Variants in ZNG1E observed in about 807,000 individuals in gnomAD.
ZNG1E encodes Zn regulated GTPase metalloprotein activator 1E.
chr9:65,660,828 G>GATATATATATATATATATATAT, the ZNG1E span, among the ~76,000 whole-genome samples: 1 of 130,322 alleles, frequency 7.7e-6, no homozygotes, highest in African/African-American at 3.0e-5. Context: ...TGGTTATACA[G>GATATATATATATATATATATAT]ATATATATAT....
chr9:65,681,707 A>T, the ZNG1E span: 1 of 1,368,266 alleles, frequency 7.3e-7, no homozygotes, highest in South Asian at 1.5e-5. Flanking sequence ...GGTTTACTAG[A>T]AATGTTTATT....
At chr9:65,714,453 G>A in the ZNG1E span, among the ~76,000 whole-genome samples, 1 of 145,990 alleles carries the variant, frequency 6.8e-6, no homozygotes, top group South Asian at 2.2e-4. Context: ...GAGGAGGAGA[G>A]GCGCTCTGCT....
the ZNG1E span, among the ~76,000 whole-genome samples, chr9:65,665,777 C>T: frequency 4.7e-4 from 62 of 130,706 alleles, no homozygotes; most frequent in East Asian, 8.7e-4. Flanking sequence ...TAGGAACCAA[C>T]CCCTTGCATC....
At chr9:65,659,494 C>CAAAAAA in the ZNG1E span, among the ~76,000 whole-genome samples, 59 of 113,850 alleles carry the variant, frequency 5.2e-4, no homozygotes, top group African/African-American at 1.9e-3. Flanking sequence ...GACTCCGTCT[C>CAAAAAA]AAAAAAAAAA....
the ZNG1E span, among the ~76,000 whole-genome samples, chr9:65,694,455 A>C: frequency 6.6e-6 from 1 of 151,696 alleles, no homozygotes; most frequent in Non-Finnish European, 1.5e-5. Flanking sequence ...ACAAAGCAAC[A>C]TTCTGAATAA....
chr9:65,688,076 G>T, the ZNG1E span, among the ~76,000 whole-genome samples: 1 of 151,118 alleles, frequency 6.6e-6, no homozygotes, highest in African/African-American at 2.4e-5. Flanking sequence ...TTTTACCTTT[G>T]CATTTACTGT....
chr9:65,660,539 C>T, the ZNG1E span, among the ~76,000 whole-genome samples: 9 of 152,356 alleles, frequency 5.9e-5, no homozygotes, highest in Admixed American at 2.6e-4. Flanking sequence ...AGAGTGTATT[C>T]GGTATTTATG....
the ZNG1E span, among the ~76,000 whole-genome samples, chr9:65,713,971 T>TC: frequency 1.3e-5 from 2 of 151,322 alleles, no homozygotes; most frequent in Admixed American, 1.3e-4. Context: ...GGTTCCATTC[T>TC]CCCCGTCACT....
the ZNG1E span, among the ~76,000 whole-genome samples, chr9:65,723,449 GA>G: frequency 8.8e-6 from 1 of 113,938 alleles, no homozygotes; most frequent in Admixed American, 9.6e-5. Flanking sequence ...GGGGTGATGG[GA>G]AACAAGCCTA....
chr9:65,673,843 A>T, the ZNG1E span, among the ~76,000 whole-genome samples: 4 of 152,294 alleles, frequency 2.6e-5, no homozygotes, highest in African/African-American at 9.6e-5. Flanking sequence ...ACATTCAGCC[A>T]GTGCCATATT....
At chr9:65,665,304 T>C in the ZNG1E span, among the ~76,000 whole-genome samples, 1 of 152,250 alleles carries the variant, frequency 6.6e-6, no homozygotes, top group African/African-American at 2.4e-5. Context: ...CTGTATGCAG[T>C]CTAGGGACTT....
chr9:65,684,030 A>T, the ZNG1E span, among the ~76,000 whole-genome samples: 1 of 152,268 alleles, frequency 6.6e-6, no homozygotes, highest in South Asian at 2.1e-4. Flanking sequence ...AACACGATTC[A>T]GCTTTTCAGA....
At chr9:65,688,047 C>A in the ZNG1E span, among the ~76,000 whole-genome samples, 1 of 151,454 alleles carries the variant, frequency 6.6e-6, no homozygotes, top group African/African-American at 2.4e-5. Flanking sequence ...CGTATGTATT[C>A]TAATTGCTTT....
chr9:65,686,424 C>T, the ZNG1E span, among the ~76,000 whole-genome samples: 1 of 152,248 alleles, frequency 6.6e-6, no homozygotes, highest in African/African-American at 2.4e-5. Flanking sequence ...ATCACGAGTT[C>T]AGGAGTTCAA....
chr9:65,687,866 G>A, the ZNG1E span, among the ~76,000 whole-genome samples: 2 of 150,498 alleles, frequency 1.3e-5, no homozygotes, highest in South Asian at 4.2e-4. Context: ...TATAAACAAG[G>A]TATATCTAAG....
At chr9:65,717,553 T>G in the ZNG1E span, among the ~76,000 whole-genome samples, 2 of 149,992 alleles carry the variant, frequency 1.3e-5, no homozygotes, top group South Asian at 2.1e-4. Flanking sequence ...CCTTTCATCC[T>G]CCGTGTCTGG....
chr9:65,659,689 A>T, the ZNG1E span, among the ~76,000 whole-genome samples: 7 of 152,270 alleles, frequency 4.6e-5, no homozygotes, highest in East Asian at 3.9e-4. Flanking sequence ...GTCTGAGACA[A>T]TTAAGAGTAG....
the ZNG1E span, chr9:65,732,882 T>G: frequency 6.3e-7 from 1 of 1,584,344 alleles, no homozygotes; most frequent in South Asian, 1.2e-5. Context: ...CTTAAGAGTT[T>G]GTATTTTTTA....
chr9:65,669,749 AT>A, the ZNG1E span, among the ~76,000 whole-genome samples: 22 of 152,178 alleles, frequency 1.4e-4, no homozygotes, highest in Non-Finnish European at 2.6e-4. Flanking sequence ...ACAGCCTTTA[AT>A]GTCACAGCCC....
Sources: allele counts gnomAD v4.1 joint callset (sites outside exome capture counted in the v4.1 genomes callset), GRCh38; gene constraint gnomAD v4.1.1; transcripts MANE v1.5; gene names NCBI Gene and HGNC (gene_info 2026-07-23, HGNC 2026-07-21).